The following EBF1 variants were observed in gnomAD, a reference collection of about 807,000 sequenced individuals.
The protein encoded by EBF1 is EBF transcription factor 1.
Under a neutral mutation model 68.4 loss-of-function variants are expected in EBF1, and 10 were observed. The ratio of observed to expected loss-of-function variants is 0.15; its 90% confidence interval spans 0.09 to 0.25. EBF1 has a LOEUF of 0.25. EBF1 is among the 10% of genes least tolerant of loss of function. The pLI is 1.00. For missense variants in EBF1, 509 were observed against 794.4 expected, an observed-to-expected ratio of 0.64 and a Z score of 4.32; for synonymous variants, 298 against 299.8, an observed-to-expected ratio of 0.99 and a Z score of 0.06.
chr5:159,001,792 G>C (rs1302988367), intron 6 of EBF1, among the ~76,000 whole-genome samples: 4 of 152,194 alleles, frequency 2.6e-5, no homozygotes, highest in African/African-American at 9.7e-5. Flanking sequence ...AATATTGTTT[G>C]ATACAGTGAT....
chr5:159,080,583 G>A (rs146329373), intron 5 of EBF1, among the ~76,000 whole-genome samples: 6 of 152,242 alleles, frequency 3.9e-5, no homozygotes, highest in African/African-American at 9.6e-5. Flanking sequence ...AAACAACTGC[G>A]CACCAAGTAC....
intron 11 of EBF1, among the ~76,000 whole-genome samples, chr5:158,721,331 C>T (rs769532689): frequency 2.6e-5 from 4 of 151,962 alleles, no homozygotes; most frequent in East Asian, 3.9e-4. Context: ...TAAGCTAACG[C>T]GGCTATATCA....
intron 11 of EBF1, among the ~76,000 whole-genome samples, chr5:158,726,847 C>A (rs1035232629): frequency 6.6e-6 from 1 of 152,322 alleles, no homozygotes; most frequent in South Asian, 2.1e-4. Context: ...AGTTTTCCCG[C>A]GTGCTAGCTG....
rs374945506 is a variant in EBF1, at chr5:158,701,343, C to T, written c.1745-2201G>A. On this transcript the variant is annotated intron_variant, in intron 15 of 15. Transcript: ENST00000313708. Reference sequence around the variant, plus strand: ...TATTAGCTGGTCTGTGAAAACATCCCATTTGAATGGCCAGAATTAAAAAAA... The same window carrying T: ...TATTAGCTGGTCTGTGAAAACATCCTATTTGAATGGCCAGAATTAAAAAAA... Among the ~76,000 whole-genome samples the T allele has an allele frequency of 8.5e-5, 12 of 141,232 alleles. No individual in the cohort carries two copies. The East Asian group carries it at 1.9e-3, about 23-fold the overall frequency. 92.7% of individuals were successfully genotyped at this position (141,232 alleles called of 152,430 possible).
chr5:158,818,270 C>T (rs1418285971), intron 8 of EBF1, among the ~76,000 whole-genome samples: 1 of 152,164 alleles, frequency 6.6e-6, no homozygotes, highest in African/African-American at 2.4e-5. Context: ...CTCCACATTT[C>T]CGTAAAAACA....
intron 7 of EBF1, among the ~76,000 whole-genome samples, chr5:158,824,065 A>C (rs973406321): frequency 3.9e-5 from 6 of 152,230 alleles, no homozygotes; most frequent in African/African-American, 1.2e-4. Flanking sequence ...ACTTTGACTA[A>C]AACAATGAGA....
chr5:158,989,516 C>G (rs1017320136), intron 6 of EBF1, among the ~76,000 whole-genome samples: 3 of 152,170 alleles, frequency 2.0e-5, no homozygotes, highest in African/African-American at 7.2e-5. Context: ...CATTTAAAAC[C>G]AATTGCAGGC....
intron 6 of EBF1, among the ~76,000 whole-genome samples, chr5:158,904,728 C>T (rs539954122): frequency 4.3e-4 from 66 of 152,296 alleles, no homozygotes; most frequent in Non-Finnish European, 4.4e-5. Flanking sequence ...AACCGCCTTC[C>T]TCTTATGGTA....
intron 8 of EBF1, among the ~76,000 whole-genome samples, chr5:158,822,399 A>G (rs1358059654): frequency 1.3e-5 from 2 of 152,196 alleles, no homozygotes; most frequent in Non-Finnish European, 2.9e-5. Context: ...ACACACATGC[A>G]GCACTGAAAA....
At chr5:159,073,186 C>G (rs563292065) in intron 6 of EBF1, among the ~76,000 whole-genome samples, 1 of 152,182 alleles carries the variant, frequency 6.6e-6, no homozygotes, top group Non-Finnish European at 1.5e-5. Context: ...ATGAATCAGA[C>G]AAAAACCGGA....
intron 6 of EBF1, among the ~76,000 whole-genome samples, chr5:158,972,927 T>A (rs1583580308): frequency 6.6e-6 from 1 of 152,252 alleles, no homozygotes; most frequent in Non-Finnish European, 1.5e-5. Flanking sequence ...CGCAAGGCTC[T>A]GTCCCTCTGC....
At chr5:159,008,802 G>T (rs1199201731) in intron 6 of EBF1, among the ~76,000 whole-genome samples, 1 of 152,110 alleles carries the variant, frequency 6.6e-6, no homozygotes, top group East Asian at 1.9e-4. Context: ...CTCCCAAAGT[G>T]CTGGGATTAC....
At chr5:158,787,649 C>A (rs1777727012) in intron 9 of EBF1, among the ~76,000 whole-genome samples, 1 of 152,074 alleles carries the variant, frequency 6.6e-6, no homozygotes, top group Non-Finnish European at 1.5e-5. Context: ...GCTGTGGGAC[C>A]TTTGGAAAGT....
Position 158,839,630 on chromosome 5 carries a change from A to G in EBF1, c.636+399T>C, listed in dbSNP as rs182576374. Among the ~76,000 whole-genome samples, 385 of 152,186 alleles carry G rather than the reference A, an allele frequency of 2.5e-3. 1 individual carries two copies. Among genetic ancestry groups the G allele is most frequent in the African/African-American group, 8.7e-3 (361 of 41,538 alleles). On this transcript the variant is annotated intron_variant, in intron 7 of 15. Transcript: ENST00000313708. ...ACTCTTAAACTCAAACAATCTGCCT[A>G]CCTTAGCCTCCCAAAGTGCTGGGAT...
chr5:159,089,775 A>G (rs932932233), intron 4 of EBF1, among the ~76,000 whole-genome samples: 18 of 151,824 alleles, frequency 1.2e-4, no homozygotes, highest in African/African-American at 4.3e-4. Context: ...AAGAAGAGGA[A>G]GAGGAAAAAG....
chr5:158,820,422 A>G (rs1784598969), intron 8 of EBF1, among the ~76,000 whole-genome samples: 1 of 152,218 alleles, frequency 6.6e-6, no homozygotes, highest in South Asian at 2.1e-4. Context: ...ACACATTACC[A>G]ATGAAAGAGT....
At chr5:158,801,776 T>G (rs1156293499) in intron 8 of EBF1, among the ~76,000 whole-genome samples, 1 of 151,992 alleles carries the variant, frequency 6.6e-6, no homozygotes, top group Non-Finnish European at 1.5e-5. Flanking sequence ...TATCACCTAC[T>G]CTATCTCCCG....
chr5:158,881,142 T>C (rs1798825166), intron 6 of EBF1, among the ~76,000 whole-genome samples: 1 of 152,176 alleles, frequency 6.6e-6, no homozygotes, highest in Non-Finnish European at 1.5e-5. Context: ...TTAGAAACAC[T>C]TCGTATTCAA....
chr5:158,913,849 C>T (rs571560083), intron 6 of EBF1, among the ~76,000 whole-genome samples: 25 of 152,286 alleles, frequency 1.6e-4, no homozygotes, highest in African/African-American at 3.4e-4. Context: ...AATATCTGTA[C>T]GTAAAACAAC....
Sources: allele counts gnomAD v4.1 joint callset (sites outside exome capture counted in the v4.1 genomes callset), GRCh38; gene constraint gnomAD v4.1.1; transcripts MANE v1.5; gene names NCBI Gene and HGNC (gene_info 2026-07-23, HGNC 2026-07-21).